The following FANCI variants were observed in gnomAD, a reference collection of about 807,000 sequenced individuals.
FANCI encodes FA complementation group I.
In FANCI, 156 loss-of-function variants were observed where a neutral mutation model predicts 176.1. The observed-to-expected ratio is 0.89, with a 90% confidence interval of 0.78 to 1.01. The LOEUF is 1.01. FANCI is among the 50% of genes least tolerant of loss of function. The pLI is 0.00. For missense variants in FANCI, 1,678 were observed against 1,534.1 expected (o/e 1.09, Z -1.57); for synonymous variants, 613 against 541.7 (o/e 1.13, Z -1.83).
At chr15:89,270,538 C>A (rs1402266581) in intron 10 of FANCI, among the ~76,000 whole-genome samples, 1 of 151,600 alleles carries the variant, frequency 6.6e-6, no homozygotes, top group African/African-American at 2.4e-5. Flanking sequence ...TTTGTCCTCA[C>A]AATCTGTTCC....
At position 89,297,726 on chromosome 15, in the gene FANCI, CAGAGGGAGACCGTGGAAAGAGAGGG is replaced by C. The variant is rs1436929405; in HGVS notation, c.2637-2058_2637-2034del. Among the ~76,000 whole-genome samples the C allele has an allele frequency of 4.7e-3, 634 of 135,102 alleles. 7 individuals are homozygous for C. The highest frequency in any genetic ancestry group is 0.016 in the African/African-American group (565 of 35,248). 88.6% of individuals were successfully genotyped at this position (135,102 alleles called of 152,430 possible). ...GTACAGTCCAGCTTTGGCTCGGCAT[CAGAGGGAGACCGTGGAAAGAGAGGG>C]AGAGGGAGACCGTGGGGAGAGGGAG... On this transcript the variant is annotated intron_variant, in intron 24 of 37. Transcript: ENST00000310775.
At chr15:89,316,188 A>C in intron 37 of FANCI, 1 of 598,930 alleles carries the variant, frequency 1.7e-6, no homozygotes, top group Non-Finnish European at 3.0e-6. Context: ...AAGTCCTAAA[A>C]GGAGGTGCCA....
chr15:89,263,343 T>G (rs1486618464), intron 6 of FANCI, 76 bp from the exon 7 acceptor site: 1 of 1,259,492 alleles, frequency 7.9e-7, no homozygotes, highest in Non-Finnish European at 1.2e-6. Context: ...GCCCTGTTTT[T>G]TTGTCCTCAT....
chr15:89,293,774 A>C (rs1362770092), intron 22 of FANCI, 59 bp from the exon 23 acceptor site: 5 of 1,513,528 alleles, frequency 3.3e-6, no homozygotes, highest in Non-Finnish European at 4.6e-6. Flanking sequence ...ATCATATGTA[A>C]AAGTAAACCA....
chr15:89,249,068 CA>C (rs1266437606), intron 2 of FANCI, among the ~76,000 whole-genome samples: 2 of 152,116 alleles, frequency 1.3e-5, no homozygotes, highest in East Asian at 3.8e-4. Context: ...TTTTTAGATT[CA>C]TCTTGTTTTA....
chr15:89,297,197 C>T (rs1407584713), intron 24 of FANCI, among the ~76,000 whole-genome samples: 14 of 151,264 alleles, frequency 9.3e-5, no homozygotes, highest in African/African-American at 1.2e-4. Flanking sequence ...ACATCCCAGA[C>T]GGGGCGGCGG....
chr15:89,312,814 CTTA>C, intron 34 of FANCI, 87 bp from the exon 35 acceptor site: 1 of 838,200 alleles, frequency 1.2e-6, no homozygotes, highest in South Asian at 1.6e-5. Flanking sequence ...AAAGCTCTGT[CTTA>C]AAAAAAAAAA....
intron 17 of FANCI, among the ~76,000 whole-genome samples, chr15:89,283,956 G>T (rs1220853640): frequency 6.6e-6 from 1 of 151,838 alleles, no homozygotes; most frequent in East Asian, 1.9e-4. Context: ...TAGAGATGGG[G>T]TTTCATTGTG....
intron 34 of FANCI, among the ~76,000 whole-genome samples, chr15:89,312,371 C>T (rs1297031319): frequency 5.3e-5 from 8 of 152,220 alleles, no homozygotes; most frequent in African/African-American, 1.9e-4. Flanking sequence ...GCTCTAAGAA[C>T]AACAGATTGT....
intron 23 of FANCI, among the ~76,000 whole-genome samples, chr15:89,294,640 A>G (rs2054185153): frequency 6.6e-6 from 1 of 151,642 alleles, no homozygotes. Flanking sequence ...GGGACAAAAA[A>G]AAACCTAAAA....
Position 89,291,717 on chromosome 15 carries a change from G to C in FANCI, c.1992+3G>C, listed in dbSNP as rs1470626124. 1.2e-6 allele frequency: 2 copies of C among 1,608,730 alleles called. No homozygotes were observed. Among genetic ancestry groups the C allele is most frequent in the Admixed American group, 3.3e-5 (2 of 59,976 alleles). ...AGATCTCTCTACAAGAACCACTGGT[G>C]AGACTTTTATTCTTCCTTCAACCAT... On this transcript the variant is annotated splice_donor_region_variant and intron_variant, in intron 20 of 37. Transcript: ENST00000310775.
At chr15:89,267,679 C>T (rs7495635) in intron 9 of FANCI, among the ~76,000 whole-genome samples, 45,162 of 152,034 alleles carry the variant, frequency 0.3, 8,282 homozygotes, top group Non-Finnish European at 0.39. Flanking sequence ...GTGATCCCAA[C>T]GTTTTGGGAG....
chr15:89,277,019 CAG>C lies in FANCI; in HGVS notation c.1293+132_1293+133del, dbSNP rs1194242023. The stretch of plus-strand genomic sequence containing the variant: ...TATTAGTTTGACAGAGGATATATGA[CAG>C]AGATTAGGATAATATTGAAACATTA... On this transcript the variant is annotated intron_variant, in intron 13 of 37. Coordinates refer to ENST00000310775, the MANE Select transcript of FANCI (RefSeq NM_001113378.2). The C allele has an allele frequency of 2.7e-5, 24 of 892,810 alleles. No homozygotes were observed. The Admixed American group carries it at 4.0e-4, about 15-fold the overall frequency. 55.3% of individuals were successfully genotyped at this position (892,810 alleles called of 1,614,324 possible). A position where few individuals can be genotyped will look rare whatever the true frequency, so the allele number is the denominator to read the frequency against.
intron 1 of FANCI, chr15:89,244,418 G>C (rs2051851308): frequency 6.6e-6 from 1 of 152,248 alleles, no homozygotes; most frequent in Non-Finnish European, 1.5e-5. Context: ...ACCCGGAAGG[G>C]AAGGCCGCGG....
chr15:89,288,669 G>C (rs1386995924), intron 18 of FANCI, among the ~76,000 whole-genome samples: 1 of 150,652 alleles, frequency 6.6e-6, no homozygotes, highest in African/African-American at 2.4e-5. Context: ...ATCCAGGCTG[G>C]AGTGCACTAG....
chr15:89,312,992 C>G lies in FANCI; in HGVS notation c.3720+20C>G, dbSNP rs572665348. ...GCCATGGTAAGCTGCTGACACTGAC[C>G]GTTAAAATATGCTTGTTGGTGAACC... On this transcript the variant is annotated intron_variant, in intron 35 of 37. Transcript: ENST00000310775. 3.7e-6 allele frequency: 6 copies of G among 1,611,646 alleles called. No homozygotes were observed. Among genetic ancestry groups the G allele is most frequent in the African/African-American group, 1.3e-5 (1 of 74,836 alleles).
intron 10 of FANCI, among the ~76,000 whole-genome samples, chr15:89,269,962 C>T (rs995375637): frequency 2.0e-5 from 3 of 152,132 alleles, no homozygotes; most frequent in African/African-American, 7.2e-5. Context: ...AAGTGCGTGC[C>T]ACCACGCCTG....
chr15:89,302,457 G>C (rs890655411), intron 27 of FANCI, among the ~76,000 whole-genome samples: 2 of 152,038 alleles, frequency 1.3e-5, no homozygotes, highest in Non-Finnish European at 2.9e-5. Context: ...ATTTAGGAAG[G>C]CTAAAATGTT....
At chr15:89,248,734 G>C (rs2052099886) in intron 2 of FANCI, among the ~76,000 whole-genome samples, 1 of 152,168 alleles carries the variant, frequency 6.6e-6, no homozygotes. Flanking sequence ...CTCTAGGATA[G>C]AGTAATGCTA....
Sources: allele counts gnomAD v4.1 joint callset (sites outside exome capture counted in the v4.1 genomes callset), GRCh38; gene constraint gnomAD v4.1.1; transcripts MANE v1.5; gene names NCBI Gene and HGNC (gene_info 2026-07-23, HGNC 2026-07-21).